Variants in TENM3 observed in about 807,000 individuals in gnomAD.
The protein encoded by TENM3 is teneurin-3.
A neutral mutation model predicts 255.1 loss-of-function variants in TENM3; 63 were observed. The ratio of observed to expected loss-of-function variants is 0.25; its 90% CI spans 0.20 to 0.30. The LOEUF (loss-of-function observed/expected upper bound fraction) is 0.30. Among genes scored for constraint, TENM3 ranks in the 10% least tolerant of loss-of-function variants. The probability of loss-of-function intolerance (pLI) is 1.00; values close to 1 mark genes in which losing one functional copy is unlikely to be tolerated. For synonymous variants in TENM3, 1,306 were observed against 1,322.3 expected, an observed-to-expected ratio of 0.99 and a Z score of 0.27; for missense variants, 2,929 against 3,461.1, an observed-to-expected ratio of 0.85 and a Z score of 3.86.
Position 182,777,511 on chromosome 4 carries a change from A to ATGTGTGTGTGTGTGTG in TENM3, c.5304+2374_5304+2389dup, listed in dbSNP as rs150202066. On this transcript the variant is annotated intron_variant, in intron 24 of 27. Transcript: ENST00000511685. The stretch of plus-strand genomic sequence containing the variant: ...CTCTCTGTCTATACATAATGTGTTT[A>ATGTGTGTGTGTGTGTG]TGTGTGTGTGTGTGTGTGTGTGTGT... Among the ~76,000 whole-genome samples the ATGTGTGTGTGTGTGTG allele has an allele frequency of 4.1e-3, 407 of 99,880 alleles. 5 individuals carry two copies. Among genetic ancestry groups the ATGTGTGTGTGTGTGTG allele is most frequent in the East Asian group, 0.011 (33 of 3,082 alleles). The allele number at this position is 99,880 out of a possible 152,430, so 65.5% of individuals were successfully genotyped here.
chr4:182,339,778 A>G (rs779099873), intron 2 of TENM3, among the ~76,000 whole-genome samples: 4 of 152,182 alleles, frequency 2.6e-5, no homozygotes, highest in Non-Finnish European at 5.9e-5. Context: ...ACCAATACCT[A>G]CTGCAGTTCG....
intron 1 of TENM3, among the ~76,000 whole-genome samples, chr4:182,231,068 G>A (rs1240148136): frequency 4.0e-5 from 6 of 151,658 alleles, no homozygotes; most frequent in Non-Finnish European, 7.4e-5. Flanking sequence ...GACTACCGGG[G>A]CCTCCTTGTG....
chr4:182,191,563 AT>A (rs1002575225), intron 1 of TENM3, among the ~76,000 whole-genome samples: 2 of 151,570 alleles, frequency 1.3e-5, no homozygotes, highest in African/African-American at 4.8e-5. Context: ...TTTATCTAGA[AT>A]TTTTTTTTGA....
intron 15 of TENM3, 106 bp from the exon 16 acceptor site, chr4:182,730,772 G>C (rs1414514871): frequency 8.2e-7 from 1 of 1,226,554 alleles, no homozygotes; most frequent in Non-Finnish European, 1.1e-6. Flanking sequence ...TAAAAGTTGG[G>C]AGAAAAAGTT....
the TENM3 span, among the ~76,000 whole-genome samples, chr4:181,888,796 T>C: frequency 3.3e-5 from 5 of 151,056 alleles, no homozygotes; most frequent in Admixed American, 1.3e-4. Context: ...CAGTTCTAGT[T>C]TGAAGGCCTG....
chr4:182,713,029 A>G (rs1758874762), intron 12 of TENM3, among the ~76,000 whole-genome samples: 1 of 152,242 alleles, frequency 6.6e-6, no homozygotes, highest in Non-Finnish European at 1.5e-5. Context: ...GCTGCATGCC[A>G]GATATCATCA....
intron 24 of TENM3, among the ~76,000 whole-genome samples, chr4:182,777,148 A>G (rs1764742348): frequency 6.6e-6 from 1 of 152,036 alleles, no homozygotes; most frequent in South Asian, 2.1e-4. Flanking sequence ...AGACAGTGAG[A>G]ATCAGCCCAA....
chr4:182,379,620 A>G (rs759973489), intron 3 of TENM3, among the ~76,000 whole-genome samples: 19 of 149,064 alleles, frequency 1.3e-4, no homozygotes, highest in Non-Finnish European at 2.1e-4. Flanking sequence ...ATACACTTTT[A>G]AAACTCTTTT....
intron 3 of TENM3, among the ~76,000 whole-genome samples, chr4:182,589,239 A>C (rs1296298424): frequency 6.6e-6 from 1 of 151,550 alleles, no homozygotes; most frequent in Non-Finnish European, 1.5e-5. Context: ...ATATGTAAGC[A>C]CTCTTTATCT....
At chr4:182,325,730 C>T (rs751258025) in intron 2 of TENM3, among the ~76,000 whole-genome samples, 1 of 151,652 alleles carries the variant, frequency 6.6e-6, no homozygotes. Context: ...CTTTAGTGCC[C>T]TGTTGGAAAA....
chr4:182,461,957 C>CT (rs895071288), intron 3 of TENM3, among the ~76,000 whole-genome samples: 2 of 152,248 alleles, frequency 1.3e-5, no homozygotes, highest in Admixed American at 1.3e-4. Context: ...ATTAGCGTGG[C>CT]TTTTTCTTTG....
chr4:182,654,026 A>G (rs1753551504), intron 6 of TENM3, 133 bp downstream of exon 6: 6 of 838,414 alleles, frequency 7.2e-6, no homozygotes, highest in Non-Finnish European at 8.2e-6. Flanking sequence ...TCATCTTTTT[A>G]TAAGTTTTTT....
At chr4:181,457,000 A>G in the TENM3 span, among the ~76,000 whole-genome samples, 1 of 151,830 alleles carries the variant, frequency 6.6e-6, no homozygotes, top group Non-Finnish European at 1.5e-5. Context: ...TTCCACATCT[A>G]AGGGACAGCA....
At chr4:182,100,682 C>CAT in the TENM3 span, among the ~76,000 whole-genome samples, 146 of 93,698 alleles carry the variant, frequency 1.6e-3, 3 homozygotes, top group Middle Eastern at 5.4e-3. Context: ...TATATATACA[C>CAT]ACATATATAT....
chr4:182,681,444 G>A (rs982228676), intron 10 of TENM3, among the ~76,000 whole-genome samples: 20 of 152,200 alleles, frequency 1.3e-4, no homozygotes, highest in African/African-American at 4.8e-4. Flanking sequence ...TTCTCAAACA[G>A]TGTGAGGATC....
chr4:182,295,352 C>T (rs1761417795), intron 1 of TENM3, among the ~76,000 whole-genome samples: 1 of 150,296 alleles, frequency 6.7e-6, no homozygotes, highest in Non-Finnish European at 1.5e-5. Flanking sequence ...ACTGCAACCC[C>T]TGCCTCCCGA....
intron 1 of TENM3, among the ~76,000 whole-genome samples, chr4:182,194,100 T>C (rs1175999037): frequency 6.6e-6 from 1 of 152,238 alleles, no homozygotes; most frequent in Non-Finnish European, 1.5e-5. Context: ...AAACATATTG[T>C]GTAAATAATT....
intron 4 of TENM3, among the ~76,000 whole-genome samples, chr4:182,627,169 G>T (rs1474996320): frequency 6.6e-6 from 1 of 152,118 alleles, no homozygotes; most frequent in Non-Finnish European, 1.5e-5. Context: ...TAAAATAAAT[G>T]AGTGTGATCC....
At chr4:182,316,793 C>A (rs118103130) in intron 1 of TENM3, among the ~76,000 whole-genome samples, 10 of 152,194 alleles carry the variant, frequency 6.6e-5, no homozygotes, top group African/African-American at 2.4e-4. Flanking sequence ...TCTCTTTTCT[C>A]TAGCAACTTG....
Sources: gnomAD v4.1 joint callset for allele counts (sites outside exome capture counted in the v4.1 genomes callset) on GRCh38, gnomAD v4.1.1 for gene constraint, MANE v1.5 for transcripts, NCBI Gene and HGNC (gene_info 2026-07-23, HGNC 2026-07-21) for gene names.